Variants in P3H2 observed in about 807,000 individuals in gnomAD.
The protein encoded by P3H2 is prolyl 3-hydroxylase 2.
A neutral mutation model predicts 87.0 loss-of-function variants in P3H2; 80 were observed. The observed-to-expected ratio is 0.92, with a 90% confidence interval of 0.77 to 1.11. The LOEUF (loss-of-function observed/expected upper bound fraction) is 1.11. Among genes scored for constraint, P3H2 ranks in the 50% least tolerant of loss-of-function variants. P3H2 has a pLI of 0.00. For missense variants in P3H2, 1,001 were observed against 923.9 expected (o/e 1.08, Z -1.08); for synonymous variants, 367 against 359.3 (o/e 1.02, Z -0.24).
At position 189,972,881 on chromosome 3, in the gene P3H2, G is replaced by C. The variant is rs1283680621; in HGVS notation, c.1692C>G (p.Ala564=). 1.2e-6 allele frequency: 2 copies of C among 1,613,922 alleles called. No individual in the cohort carries two copies. The highest frequency in any genetic ancestry group is 1.7e-6 in the Non-Finnish European group (2 of 1,179,968). The change falls in exon 11 of 15, where the codon GCC becomes GCG. Residue 564 remains alanine, a synonymous_variant. Transcript: ENST00000319332. ...TTCAGACTGCAATCTCACCAGACAG[G>C]GCTGTTCGGCAGACCATGTGTGTAT... ...FSYTHMVCRT[A]LSGQQDRRND... is the part of the protein sequence containing the mutation.
intron 14 of P3H2, among the ~76,000 whole-genome samples, chr3:189,961,389 T>C (rs1469981604): frequency 6.6e-6 from 1 of 152,204 alleles, no homozygotes; most frequent in Admixed American, 6.5e-5. Context: ...CGAACATCCT[T>C]GCATCCTTAA....
intron 3 of P3H2, among the ~76,000 whole-genome samples, chr3:189,990,335 A>G (rs1188025293): frequency 6.6e-6 from 1 of 152,152 alleles, no homozygotes; most frequent in Admixed American, 6.5e-5. Context: ...CAGCTGTTTC[A>G]TTTCTTAAGA....
intron 2 of P3H2, among the ~76,000 whole-genome samples, chr3:189,995,015 A>G (rs934726994): frequency 4.6e-5 from 7 of 151,860 alleles, no homozygotes; most frequent in Non-Finnish European, 5.9e-5. Flanking sequence ...CATTATGCCA[A>G]TTTTCTAAGT....
intron 1 of P3H2, among the ~76,000 whole-genome samples, chr3:190,028,970 A>G (rs1379920916): frequency 6.6e-6 from 1 of 152,196 alleles, no homozygotes; most frequent in Non-Finnish European, 1.5e-5. Flanking sequence ...AGCCAGGGAG[A>G]AATTTCCAGG....
At chr3:190,090,595 C>T (rs1280017771) in intron 1 of P3H2, among the ~76,000 whole-genome samples, 5 of 151,700 alleles carry the variant, frequency 3.3e-5, no homozygotes, top group Admixed American at 6.6e-5. Flanking sequence ...CCCAGCTACT[C>T]GGGAGGCTGA....
intron 1 of P3H2, among the ~76,000 whole-genome samples, chr3:190,009,965 C>T (rs181791160): frequency 2.6e-4 from 40 of 152,176 alleles, no homozygotes; most frequent in African/African-American, 2.4e-4. Flanking sequence ...GAGCTGAGGA[C>T]GCTAAGACCC....
In P3H2 at chr3:189,983,126, A is replaced by C. The variant is rs781359572; in HGVS notation, c.1244T>G (p.Val415Gly). The stretch of plus-strand genomic sequence containing the variant: ...ATGAACTTCTGCTCCCTCTACGTTC[A>C]CTCCTGAAGGGACCCTGCCCATTCA... The part of the protein sequence containing the change: ...RQDENRVPSG[V>G]NVEGAEVHGF... The change falls in exon 8 of 15, where the codon GTG (valine) becomes GGG (glycine). Residue 415 changes from valine (V) to glycine (G), a missense_variant. Coordinates refer to ENST00000319332, the MANE Select transcript of P3H2 (RefSeq NM_018192.4). 6.2e-7 allele frequency: 1 copy of C among 1,613,236 alleles called. No individual in the cohort carries two copies. Among genetic ancestry groups the C allele is most frequent in the Non-Finnish European group, 8.5e-7 (1 of 1,179,642 alleles).
chr3:190,100,007 G>T (rs976286246), intron 1 of P3H2, among the ~76,000 whole-genome samples: 1 of 152,176 alleles, frequency 6.6e-6, no homozygotes, highest in African/African-American at 2.4e-5. Context: ...GCCGAGGTGG[G>T]TGGATAACCT....
intron 1 of P3H2, among the ~76,000 whole-genome samples, chr3:190,114,188 TA>T (rs1232732322): frequency 4.6e-4 from 60 of 129,622 alleles, no homozygotes; most frequent in East Asian, 2.4e-3. Flanking sequence ...TTATTATTAT[TA>T]TTTTTTTTTT....
intron 1 of P3H2, among the ~76,000 whole-genome samples, chr3:190,044,679 G>A (rs1725744437): frequency 6.6e-6 from 1 of 152,158 alleles, no homozygotes; most frequent in South Asian, 2.1e-4. Flanking sequence ...AAATACAATG[G>A]TACAAGCTAG....
upstream of P3H2, chr3:190,121,755 A>T (rs1220499194): frequency 6.6e-6 from 1 of 152,194 alleles, no homozygotes; most frequent in Non-Finnish European, 1.5e-5. Context: ...CTCATCTCCT[A>T]AACAGCCAGA....
chr3:189,987,414 G>A lies in P3H2; in HGVS notation c.1098+113C>T, dbSNP rs1723737052. ...GAATCGCTTGAACCCGGGAGGCGGA[G>A]GTTGCGGTGAGCCAAGATTGTGCCA... On this transcript the variant is annotated intron_variant, in intron 5 of 14. Transcript: ENST00000319332. The A allele has an allele frequency of 4.0e-6, 5 of 1,248,572 alleles. No individual in the cohort carries two copies. In the South Asian group the frequency reaches 6.8e-5, roughly 17 times the overall value. 77.3% of individuals were successfully genotyped at this position (1,248,572 alleles called of 1,614,324 possible).
At chr3:190,090,458 C>T (rs1016783834) in intron 1 of P3H2, among the ~76,000 whole-genome samples, 1 of 152,220 alleles carries the variant, frequency 6.6e-6, no homozygotes, top group Non-Finnish European at 1.5e-5. Context: ...AATCCCAGCA[C>T]TTTGGGAGGC....
At chr3:190,034,979 G>A (rs865901226) in intron 1 of P3H2, among the ~76,000 whole-genome samples, 10 of 150,980 alleles carry the variant, frequency 6.6e-5, no homozygotes, top group South Asian at 2.1e-4. Context: ...CTCCTGAGTC[G>A]CTGGGATTAC....
In P3H2 at chr3:189,957,599, C is replaced by T. The variant is rs766750477; in HGVS notation, c.*313G>A. ...CAGCTCCCCGGGAGGCTTGAAGGATCGCCTGAGCCTAAGAGTTTGAGGCTC... is the reference window on the plus strand; with the variant it reads ...CAGCTCCCCGGGAGGCTTGAAGGATTGCCTGAGCCTAAGAGTTTGAGGCTC... On this transcript the variant is annotated 3_prime_UTR_variant, in exon 15 of 15. Coordinates refer to ENST00000319332, the MANE Select transcript of P3H2 (RefSeq NM_018192.4). The T allele has an allele frequency of 1.2e-5, 5 of 422,488 alleles. No individual in the cohort carries two copies. Among genetic ancestry groups the T allele is most frequent in the Non-Finnish European group, 2.1e-5 (5 of 235,604 alleles). 26.2% of individuals were successfully genotyped at this position (422,488 alleles called of 1,614,324 possible).
At chr3:190,035,773 G>C (rs571801997) in intron 1 of P3H2, among the ~76,000 whole-genome samples, 1 of 152,054 alleles carries the variant, frequency 6.6e-6, no homozygotes, top group African/African-American at 2.4e-5. Flanking sequence ...CCTTCTGTTG[G>C]GCTTTAGGCT....
chr3:189,987,847 A>C, intron 4 of P3H2, 178 bp from the exon 5 acceptor site: 4 of 685,044 alleles, frequency 5.8e-6, no homozygotes, highest in Non-Finnish European at 9.9e-6. Flanking sequence ...ACATGATTTC[A>C]AGTATTCAAA....
At chr3:189,971,713 T>A in intron 12 of P3H2, 177 bp downstream of exon 12, 1 of 611,228 alleles carries the variant, frequency 1.6e-6, no homozygotes, top group Admixed American at 2.6e-5. Context: ...ATTTTTAAGA[T>A]AAAAGTGAGA....
chr3:189,959,433 G>A (rs1385748592), intron 14 of P3H2, among the ~76,000 whole-genome samples: 5 of 112,384 alleles, frequency 4.4e-5, no homozygotes, highest in Non-Finnish European at 8.4e-5. Flanking sequence ...AGTCCCCAGA[G>A]TGTGATATTC....
Sources: gnomAD v4.1 joint callset for allele counts (sites outside exome capture counted in the v4.1 genomes callset) on GRCh38, gnomAD v4.1.1 for gene constraint, MANE v1.5 for transcripts, NCBI Gene and HGNC (gene_info 2026-07-23, HGNC 2026-07-21) for gene names.